Variants in SPAAR observed in about 807,000 individuals in gnomAD.
SPAAR encodes the protein long intergenic non-protein coding RNA 961.
For missense variants in SPAAR, 59 were observed against 39.9 expected, an observed-to-expected ratio of 1.48 and a Z score of -1.29; for synonymous variants, 27 against 15.9, an observed-to-expected ratio of 1.70 and a Z score of -1.66.
At position 35,910,488 on chromosome 9, in the gene SPAAR, G is replaced by A. The variant is rs932079272; in HGVS notation, c.25G>A (p.Val9Met). 1 of 702,960 alleles carries A rather than the reference G, an allele frequency of 1.4e-6. No homozygotes were observed. The highest frequency in any genetic ancestry group is 1.7e-5 in the African/African-American group (1 of 57,250). 43.5% of individuals were successfully genotyped at this position (702,960 alleles called of 1,614,324 possible). The change falls in exon 2 of 2, where the codon GTG becomes ATG. Residue 9 changes from valine to methionine, a missense_variant. Val to Met is a conservative substitution (Grantham distance 21, BLOSUM62 1). Coordinates refer to ENST00000443779, the MANE Select transcript of SPAAR (RefSeq NM_001348107.3). The part of the protein sequence containing the change: METAVIGV[V>M]VVLFVVTVAI... ...CATGGAAACGGCAGTGATTGGGGTG[G>A]TGGTGGTGCTGTTCGTGGTGACTGT... is the stretch of plus-strand genomic sequence containing the variant.
At chr9:35,909,618 A>T (rs1373107181) in intron 1 of SPAAR, 54 bp downstream of exon 1, 1 of 152,226 alleles carries the variant, frequency 6.6e-6, no homozygotes, top group African/African-American at 2.4e-5. Context: ...ATAGTTCAAG[A>T]ATGTGAGCAA....
rs183382159 is a variant in SPAAR, at chr9:35,910,373, G to A, written c.-91G>A. 1.2e-5 allele frequency: 8 copies of A among 687,648 alleles called. No individual in the cohort carries two copies. The highest frequency in any genetic ancestry group is 2.9e-4 in the Middle Eastern group (1 of 3,482). 42.6% of individuals were successfully genotyped at this position (687,648 alleles called of 1,614,324 possible). A position where few individuals can be genotyped will look rare whatever the true frequency, so the allele number is the denominator to read the frequency against. ...CTTAGGAGACGGAAGGAGAGCCGCC[G>A]GAGGAGCACGGGGCACCTGCGATCG... On this transcript the variant is annotated 5_prime_UTR_variant, in exon 2 of 2. Transcript: ENST00000443779.
At position 35,910,735 on chromosome 9, in the gene SPAAR, C is replaced by A; in HGVS notation, c.*44C>A. On this transcript the variant is annotated 3_prime_UTR_variant, in exon 2 of 2. Coordinates refer to ENST00000443779, the MANE Select transcript of SPAAR (RefSeq NM_001348107.3). ...TTGCTGTGCTGATGGGTCAGACTCACCCGCTCCTCAGCAAGCCTTCCCTGG... is the reference window on the plus strand; with the variant it reads ...TTGCTGTGCTGATGGGTCAGACTCAACCGCTCCTCAGCAAGCCTTCCCTGG... 1 of 646,778 alleles carries A rather than the reference C, an allele frequency of 1.5e-6. No individual in the cohort carries two copies. Among genetic ancestry groups the A allele is most frequent in the Non-Finnish European group, 2.8e-6 (1 of 356,330 alleles). The allele number at this position is 646,778 out of a possible 1,614,324, so 40.1% of individuals were successfully genotyped here. A position where few individuals can be genotyped will look rare whatever the true frequency, so the allele number is the denominator to read the frequency against.
At position 35,911,346 on chromosome 9, in the gene SPAAR, A is replaced by G. The variant is rs972590954; in HGVS notation, c.*655A>G. On this transcript the variant is annotated 3_prime_UTR_variant, in exon 2 of 2. Transcript: ENST00000443779. ...AGAAAGTACAATATGTTTTATTAACAGGAAAGCCAGAAATAAGATATTTTA... is the reference window on the plus strand; with the variant it reads ...AGAAAGTACAATATGTTTTATTAACGGGAAAGCCAGAAATAAGATATTTTA... 2 of 152,260 alleles carry G rather than the reference A, an allele frequency of 1.3e-5. No individual in the cohort carries two copies. The highest frequency in any genetic ancestry group is 4.8e-5 in the African/African-American group (2 of 41,472). 9.4% of individuals were successfully genotyped at this position (152,260 alleles called of 1,614,324 possible).
In SPAAR at chr9:35,911,249, A is replaced by G. The variant is rs987487912; in HGVS notation, c.*558A>G. 2 of 152,620 alleles carry G rather than the reference A, an allele frequency of 1.3e-5. No homozygotes were observed. The highest frequency in any genetic ancestry group is 4.8e-5 in the African/African-American group (2 of 41,454). 9.5% of individuals were successfully genotyped at this position (152,620 alleles called of 1,614,324 possible). On this transcript the variant is annotated 3_prime_UTR_variant, in exon 2 of 2. Coordinates refer to ENST00000443779, the MANE Select transcript of SPAAR (RefSeq NM_001348107.3). Reference sequence around the variant, plus strand: ...ATTTACCTTAGAATTGAAAATGTATATCCTTTTATGGGCCTTTCCAAATCT... The same window carrying G: ...ATTTACCTTAGAATTGAAAATGTATGTCCTTTTATGGGCCTTTCCAAATCT...
At position 35,910,956 on chromosome 9, in the gene SPAAR, G is replaced by GAC; in HGVS notation, c.*265_*266insAC. 1 of 294,518 alleles carries GAC rather than the reference G, an allele frequency of 3.4e-6. No homozygotes were observed. The highest frequency in any genetic ancestry group is 6.0e-6 in the Non-Finnish European group (1 of 166,742). The allele number at this position is 294,518 out of a possible 1,614,324, so 18.2% of individuals were successfully genotyped here. A position where few individuals can be genotyped will look rare whatever the true frequency, so the allele number is the denominator to read the frequency against. ...GTGAGTGAACAGACAGCGCCGGAGT[G>GAC]CACGGTGGGCCGGCTCTGCTGATCT... is the stretch of plus-strand genomic sequence containing the variant. On this transcript the variant is annotated 3_prime_UTR_variant, in exon 2 of 2. Coordinates refer to ENST00000443779, the MANE Select transcript of SPAAR (RefSeq NM_001348107.3).
Position 35,910,764 on chromosome 9 carries a change from T to C in SPAAR, c.*73T>C, listed in dbSNP as rs1833157600. ...CTCCTCAGCAAGCCTTCCCTGGCCT[T>C]CCCCTCCTCCCAGGGCCTTCTCCCT... On this transcript the variant is annotated 3_prime_UTR_variant, in exon 2 of 2. Transcript: ENST00000443779. 1 of 627,424 alleles carries C rather than the reference T, an allele frequency of 1.6e-6. No homozygotes were observed. The highest frequency in any genetic ancestry group is 2.5e-5 in the Admixed American group (1 of 39,524). The allele number at this position is 627,424 out of a possible 1,614,324, so 38.9% of individuals were successfully genotyped here.
rs1248826328 is a variant in SPAAR at position 35,911,257 on chromosome 9, A to G, written c.*566A>G. The stretch of plus-strand genomic sequence containing the variant: ...TAGAATTGAAAATGTATATCCTTTT[A>G]TGGGCCTTTCCAAATCTGATTAGAA... On this transcript the variant is annotated 3_prime_UTR_variant, in exon 2 of 2. Transcript: ENST00000443779. 1 of 152,450 alleles carries G rather than the reference A, an allele frequency of 6.6e-6. No homozygotes were observed. Among genetic ancestry groups the G allele is most frequent in the African/African-American group, 2.4e-5 (1 of 41,460 alleles). 9.4% of individuals were successfully genotyped at this position (152,450 alleles called of 1,614,324 possible). A position where few individuals can be genotyped will look rare whatever the true frequency, so the allele number is the denominator to read the frequency against.
Position 35,910,908 on chromosome 9 carries a change from G to A in SPAAR, c.*217G>A, listed in dbSNP as rs1309548613. ...CCCAGCTGGGGTTGACCCACAGGAT[G>A]GGGCTTAGGAGAGCTCTGAGGAGTG... is the stretch of plus-strand genomic sequence containing the variant. On this transcript the variant is annotated 3_prime_UTR_variant, in exon 2 of 2. Coordinates refer to ENST00000443779, the MANE Select transcript of SPAAR (RefSeq NM_001348107.3). The A allele has an allele frequency of 1.0e-5, 6 of 575,206 alleles. No homozygotes were observed. Among genetic ancestry groups the A allele is most frequent in the East Asian group, 5.8e-5 (2 of 34,484 alleles). The allele number at this position is 575,206 out of a possible 1,614,324, so 35.6% of individuals were successfully genotyped here.
intron 1 of SPAAR, among the ~76,000 whole-genome samples, chr9:35,909,840 G>T (rs1214981639): frequency 6.6e-6 from 1 of 152,124 alleles, no homozygotes; most frequent in Admixed American, 6.5e-5. Flanking sequence ...TAAAGGCCCT[G>T]GCACCTGGGG....
In SPAAR at chr9:35,910,312, G is replaced by A. The variant is rs1833150847; in HGVS notation, c.-152G>A. The A allele has an allele frequency of 4.8e-6, 3 of 623,590 alleles. No individual in the cohort carries two copies. Among genetic ancestry groups the A allele is most frequent in the East Asian group, 2.7e-5 (1 of 36,686 alleles). 38.6% of individuals were successfully genotyped at this position (623,590 alleles called of 1,614,324 possible). ...CCACGTGGCAGCGCCCGAAGGCCTGGAGCAGGAGCGACCCAGGGACTCAGA... is the reference window on the plus strand; with the variant it reads ...CCACGTGGCAGCGCCCGAAGGCCTGAAGCAGGAGCGACCCAGGGACTCAGA... On this transcript the variant is annotated 5_prime_UTR_variant, in exon 2 of 2. Coordinates refer to ENST00000443779, the MANE Select transcript of SPAAR (RefSeq NM_001348107.3).
rs1274631801 is a variant in SPAAR, at chr9:35,910,491, G to T, written c.28G>T (p.Val10Leu). 1.4e-6 allele frequency: 1 copy of T among 702,960 alleles called. No individual in the cohort carries two copies. The highest frequency in any genetic ancestry group is 1.5e-5 in the South Asian group (1 of 67,596). The allele number at this position is 702,960 out of a possible 1,614,324, so 43.5% of individuals were successfully genotyped here. A position where few individuals can be genotyped will look rare whatever the true frequency, so the allele number is the denominator to read the frequency against. ...GGAAACGGCAGTGATTGGGGTGGTG[G>T]TGGTGCTGTTCGTGGTGACTGTGGC... METAVIGVVVVLFVVTVAIT... is the reference protein window; with the variant it reads METAVIGVVLVLFVVTVAIT... Residue 10 changes from valine (V) to leucine (L), a missense_variant, in exon 2 of 2, where the codon GTG becomes TTG. Coordinates refer to ENST00000443779, the MANE Select transcript of SPAAR (RefSeq NM_001348107.3).
rs139644227 is a variant in SPAAR, at chr9:35,910,822, G to A, written c.*131G>A. On this transcript the variant is annotated 3_prime_UTR_variant, in exon 2 of 2. Transcript: ENST00000443779. ...CCCTCCAGTAACCTGTGAACTTCCCGTCTCCTCCCATTCCAGCCTTCTGTG... is the reference window on the plus strand; with the variant it reads ...CCCTCCAGTAACCTGTGAACTTCCCATCTCCTCCCATTCCAGCCTTCTGTG... 2.5e-5 allele frequency: 15 copies of A among 604,898 alleles called. No homozygotes were observed. The highest frequency in any genetic ancestry group is 9.3e-5 in the African/African-American group (5 of 53,970). 37.5% of individuals were successfully genotyped at this position (604,898 alleles called of 1,614,324 possible).
At position 35,910,498 on chromosome 9, in the gene SPAAR, T is replaced by C. The variant is rs747866009; in HGVS notation, c.35T>C (p.Leu12Pro). ...ETAVIGVVVV[L>P]FVVTVAITCV... ...GCAGTGATTGGGGTGGTGGTGGTGCTGTTCGTGGTGACTGTGGCCATCACC... is the reference window on the plus strand; with the variant it reads ...GCAGTGATTGGGGTGGTGGTGGTGCCGTTCGTGGTGACTGTGGCCATCACC... The change falls in exon 2 of 2, where the codon CTG becomes CCG. Residue 12 changes from leucine to proline, a missense_variant. By Grantham distance (98) the Leu-to-Pro change is moderately conservative. Transcript: ENST00000443779. 319 of 702,900 alleles carry C rather than the reference T, an allele frequency of 4.5e-4. No homozygotes were observed. The highest frequency in any genetic ancestry group is 7.0e-4 in the Non-Finnish European group (271 of 384,994). 43.5% of individuals were successfully genotyped at this position (702,900 alleles called of 1,614,324 possible). A position where few individuals can be genotyped will look rare whatever the true frequency, so the allele number is the denominator to read the frequency against.
rs1019800911 is a variant in SPAAR, at chr9:35,910,436, G to A, written c.-28G>A. On this transcript the variant is annotated 5_prime_UTR_variant, in exon 2 of 2. Transcript: ENST00000443779. ...TGTTCTGGATGGGAGCGAAGGCTCCGAGAGGACCTAAGGTTGCTCAGTGGG... is the reference window on the plus strand; with the variant it reads ...TGTTCTGGATGGGAGCGAAGGCTCCAAGAGGACCTAAGGTTGCTCAGTGGG... 3 of 702,868 alleles carry A rather than the reference G, an allele frequency of 4.3e-6. No individual in the cohort carries two copies. The highest frequency in any genetic ancestry group is 2.7e-5 in the East Asian group (1 of 37,294). The allele number at this position is 702,868 out of a possible 1,614,324, so 43.5% of individuals were successfully genotyped here. A position where few individuals can be genotyped will look rare whatever the true frequency, so the allele number is the denominator to read the frequency against.
Position 35,910,771 on chromosome 9 carries a change from C to A in SPAAR, c.*80C>A. On this transcript the variant is annotated 3_prime_UTR_variant, in exon 2 of 2. Coordinates refer to ENST00000443779, the MANE Select transcript of SPAAR (RefSeq NM_001348107.3). ...GCAAGCCTTCCCTGGCCTTCCCCTCCTCCCAGGGCCTTCTCCCTGTCCTTC... is the reference window on the plus strand; with the variant it reads ...GCAAGCCTTCCCTGGCCTTCCCCTCATCCCAGGGCCTTCTCCCTGTCCTTC... 1.6e-6 allele frequency: 1 copy of A among 621,166 alleles called. No individual in the cohort carries two copies. Among genetic ancestry groups the A allele is most frequent in the South Asian group, 1.9e-5 (1 of 53,320 alleles). 38.5% of individuals were successfully genotyped at this position (621,166 alleles called of 1,614,324 possible).
chr9:35,909,778 G>A (rs772890007), intron 1 of SPAAR, among the ~76,000 whole-genome samples: 4 of 152,186 alleles, frequency 2.6e-5, no homozygotes, highest in Non-Finnish European at 4.4e-5. Flanking sequence ...TGATCCCAGC[G>A]CCATGCAGAA....
chr9:35,910,758 TGGCCTTCCCCTCCTCCCAG>T lies in SPAAR; in HGVS notation c.*75_*93del. 2 of 631,264 alleles carry T rather than the reference TGGCCTTCCCCTCCTCCCAG, an allele frequency of 3.2e-6. No homozygotes were observed. The highest frequency in any genetic ancestry group is 3.6e-5 in the South Asian group (2 of 55,028). The allele number at this position is 631,264 out of a possible 1,614,324, so 39.1% of individuals were successfully genotyped here. ...CACCCGCTCCTCAGCAAGCCTTCCC[TGGCCTTCCCCTCCTCCCAG>T]GGCCTTCTCCCTGTCCTTCCCCTCC... On this transcript the variant is annotated 3_prime_UTR_variant, in exon 2 of 2. Coordinates refer to ENST00000443779, the MANE Select transcript of SPAAR (RefSeq NM_001348107.3).
chr9:35,910,957 C>CT lies in SPAAR; in HGVS notation c.*266_*267insT. 3.4e-6 allele frequency: 1 copy of CT among 290,570 alleles called. No individual in the cohort carries two copies. The allele number at this position is 290,570 out of a possible 1,614,324, so 18.0% of individuals were successfully genotyped here. A position where few individuals can be genotyped will look rare whatever the true frequency, so the allele number is the denominator to read the frequency against. ...TGAGTGAACAGACAGCGCCGGAGTG[C>CT]ACGGTGGGCCGGCTCTGCTGATCTA... On this transcript the variant is annotated 3_prime_UTR_variant, in exon 2 of 2. Coordinates refer to ENST00000443779, the MANE Select transcript of SPAAR (RefSeq NM_001348107.3).
Sources: gnomAD v4.1 joint callset for allele counts (sites outside exome capture counted in the v4.1 genomes callset) on GRCh38, gnomAD v4.1.1 for gene constraint, MANE v1.5 for transcripts, NCBI Gene and HGNC (gene_info 2026-07-23, HGNC 2026-07-21) for gene names.